Variants in PRDM2 observed in about 807,000 individuals in gnomAD.
PRDM2 encodes the protein PR domain zinc finger protein 2.
A neutral mutation model predicts 130.0 loss-of-function variants in PRDM2; 30 were observed. The observed-to-expected ratio is 0.23, with a 90% CI of 0.17 to 0.31. PRDM2 has a LOEUF of 0.31. Ranked by LOEUF, PRDM2 falls within the 10% of genes least tolerant of loss-of-function variation. PRDM2 has a pLI of 1.00. For missense variants in PRDM2, 2,011 were observed against 2,108.4 expected (o/e 0.95, Z 0.90); for synonymous variants, 871 against 782.4 (o/e 1.11, Z -1.89).
Position 13,778,956 on chromosome 1 carries a change from T to A in PRDM2, c.1161T>A (p.Asn387Lys). 6.2e-7 allele frequency: 1 copy of A among 1,614,182 alleles called. No homozygotes were observed. The highest frequency in any genetic ancestry group is 8.5e-7 in the Non-Finnish European group (1 of 1,180,030). The change falls in exon 8 of 10, where the codon AAT becomes AAA. Residue 387 changes from asparagine to lysine, a missense_variant. Asn to Lys is a moderately conservative substitution (Grantham distance 94, BLOSUM62 0). Coordinates refer to ENST00000311066, the MANE Select transcript of PRDM2 (RefSeq NM_001393986.1). Reference protein sequence around the residue: ...RHMHIHISTVNHAFKCKYCGK... With the variant: ...RHMHIHISTVKHAFKCKYCGK... Reference sequence around the variant, plus strand: ...TGCATATCCATATATCCACCGTCAATCATGCTTTCAAATGCAAGTACTGTG... The same window carrying A: ...TGCATATCCATATATCCACCGTCAAACATGCTTTCAAATGCAAGTACTGTG...
At chr1:13,767,552 T>C (rs1183856273) in intron 6 of PRDM2, among the ~76,000 whole-genome samples, 1 of 151,750 alleles carries the variant, frequency 6.6e-6, no homozygotes, top group Non-Finnish European at 1.5e-5. Flanking sequence ...GCAATCTGCC[T>C]ACCTTGGCCT....
At chr1:13,734,643 A>C (rs1308248320) in intron 4 of PRDM2, among the ~76,000 whole-genome samples, 2 of 152,202 alleles carry the variant, frequency 1.3e-5, no homozygotes, top group Non-Finnish European at 2.9e-5. Flanking sequence ...AAACCTGTTA[A>C]CATCCCATTG....
In PRDM2 at chr1:13,824,781, C is replaced by T. The variant is rs1475842439; in HGVS notation, c.*1646C>T. 1 of 152,354 alleles carries T rather than the reference C, an allele frequency of 6.6e-6. No homozygotes were observed. The highest frequency in any genetic ancestry group is 2.4e-5 in the African/African-American group (1 of 41,446). The allele number at this position is 152,354 out of a possible 1,614,324, so 9.4% of individuals were successfully genotyped here. A position where few individuals can be genotyped will look rare whatever the true frequency, so the allele number is the denominator to read the frequency against. ...GCCTCTCAGTTCTTGAGGGCCTCCC[C>T]ACCGCAGCAGCAAGGAAAGCTCACG... On this transcript the variant is annotated 3_prime_UTR_variant, in exon 10 of 10. Coordinates refer to ENST00000311066, the MANE Select transcript of PRDM2 (RefSeq NM_001393986.1).
At chr1:13,774,754 AT>A (rs1161166977) in intron 7 of PRDM2, among the ~76,000 whole-genome samples, 2 of 152,074 alleles carry the variant, frequency 1.3e-5, no homozygotes, top group Non-Finnish European at 2.9e-5. Flanking sequence ...AGGCGGGTGG[AT>A]CACAAGGTCA....
chr1:13,779,022 G>A lies in PRDM2; in HGVS notation c.1227G>A (p.Glu409=). The stretch of plus-strand genomic sequence containing the variant: ...CACAGATTAACCGGCGGCGACATGA[G>A]CGGCGCCATGAAGCAGGGTTAAAGC... The part of the protein sequence containing the change: ...FGTQINRRRH[E]RRHEAGLKRK... Residue 409 remains glutamate, a synonymous_variant, in exon 8 of 10, where the codon GAG becomes GAA. Transcript: ENST00000311066. The surrounding 1 kb of genome is among the most constrained non-coding windows in gnomAD (Gnocchi z 4.9). 6.2e-7 allele frequency: 1 copy of A among 1,614,210 alleles called. No homozygotes were observed. Among genetic ancestry groups the A allele is most frequent in the Middle Eastern group, 1.6e-4 (1 of 6,062 alleles).
intron 2 of PRDM2, among the ~76,000 whole-genome samples, chr1:13,727,381 A>T (rs925255389): frequency 2.0e-5 from 3 of 151,974 alleles, no homozygotes; most frequent in Non-Finnish European, 4.4e-5. Flanking sequence ...CAGCCTCCTG[A>T]GTAGCTGGGA....
chr1:13,764,075 GT>G (rs1212338726), intron 6 of PRDM2, among the ~76,000 whole-genome samples: 45 of 152,250 alleles, frequency 3.0e-4, no homozygotes, highest in African/African-American at 9.4e-4. Context: ...TCAGGATGCA[GT>G]ATTGTAAAAT....
intron 5 of PRDM2, among the ~76,000 whole-genome samples, chr1:13,746,795 G>GA (rs1643624919): frequency 2.6e-5 from 4 of 152,170 alleles, no homozygotes; most frequent in Admixed American, 2.0e-4. Flanking sequence ...GCGCTCAAGC[G>GA]ATTCGCCTGC....
intron 2 of PRDM2, among the ~76,000 whole-genome samples, chr1:13,718,920 C>G (rs1642635007): frequency 6.6e-6 from 1 of 152,168 alleles, no homozygotes; most frequent in African/African-American, 2.4e-5. Context: ...TCCATTATCT[C>G]AGTTGTCCCT....
intron 6 of PRDM2, among the ~76,000 whole-genome samples, chr1:13,757,250 C>T (rs1643978961): frequency 6.6e-6 from 1 of 152,186 alleles, no homozygotes; most frequent in South Asian, 2.1e-4. Context: ...ACACAGATTG[C>T]ATTTTTACTG....
intron 1 of PRDM2, among the ~76,000 whole-genome samples, chr1:13,702,975 A>G (rs1642112164): frequency 6.6e-6 from 1 of 152,198 alleles, no homozygotes; most frequent in African/African-American, 2.4e-5. Flanking sequence ...CTTACCACAG[A>G]TAACTGCCGC....
At chr1:13,770,387 C>G (rs980325089) in intron 6 of PRDM2, 1 of 448,910 alleles carries the variant, frequency 2.2e-6, no homozygotes. Flanking sequence ...GATTGTACTT[C>G]CTTTTGTTAA....
intron 8 of PRDM2, among the ~76,000 whole-genome samples, chr1:13,797,996 A>G (rs1253733233): frequency 1.3e-5 from 2 of 152,078 alleles, no homozygotes; most frequent in Admixed American, 6.5e-5. Context: ...GAACACTTTC[A>G]ATTATGTTTT....
Position 13,802,030 on chromosome 1 carries a change from C to T in PRDM2, c.5037-14397C>T, listed in dbSNP as rs993742860. Among the ~76,000 whole-genome samples, 6 of 152,344 alleles carry T rather than the reference C, an allele frequency of 3.9e-5. No individual in the cohort carries two copies. The East Asian group carries it at 1.2e-3, about 29-fold the overall frequency. On this transcript the variant is annotated intron_variant, in intron 8 of 9. Coordinates refer to ENST00000311066, the MANE Select transcript of PRDM2 (RefSeq NM_001393986.1). ...CTCCTCGTGTGTAAGGTAGATTGAG[C>T]TGTCCCGTCCTGGCCACCTTACAGC...
chr1:13,742,095 G>C lies in PRDM2; in HGVS notation c.322G>C (p.Gly108Arg), dbSNP rs1483132356. The C allele has an allele frequency of 1.2e-5, 19 of 1,613,366 alleles. No individual in the cohort carries two copies. Among genetic ancestry groups the C allele is most frequent in the Non-Finnish European group, 1.5e-5 (18 of 1,179,404 alleles). Residue 108 changes from glycine (G) to arginine (R), a missense_variant, in exon 5 of 10, where the codon GGA becomes CGA. Physicochemically the swap from Gly to Arg is moderately radical, Grantham distance 125. Transcript: ENST00000311066. The stretch of plus-strand genomic sequence containing the variant: ...GCGATATGTGAATTGGGCTTGCTCA[G>C]GAGAAGAGCAAAATTTATTCCCACT... ...WLRYVNWACS[G>R]EEQNLFPLEI...
At chr1:13,800,410 G>T (rs1411091365) in intron 8 of PRDM2, among the ~76,000 whole-genome samples, 1 of 152,228 alleles carries the variant, frequency 6.6e-6, no homozygotes, top group Non-Finnish European at 1.5e-5. Flanking sequence ...AGACAGCTGG[G>T]AAGGGAGGCA....
chr1:13,810,473 A>G (rs1645153236), intron 8 of PRDM2, among the ~76,000 whole-genome samples: 1 of 147,130 alleles, frequency 6.8e-6, no homozygotes, highest in Admixed American at 7.0e-5. Flanking sequence ...ACTGAACGTG[A>G]AAGCTTGAGT....
Position 13,715,584 on chromosome 1 carries a change from C to T in PRDM2, c.-22C>T. On this transcript the variant is annotated 5_prime_UTR_variant, in exon 2 of 10. Coordinates refer to ENST00000311066, the MANE Select transcript of PRDM2 (RefSeq NM_001393986.1). ...AGTTTCTTTGTTGTGTGTATCTTTA[C>T]AGAACACAACAGGAATTGAAAATGA... is the stretch of plus-strand genomic sequence containing the variant. 6.4e-7 allele frequency: 1 copy of T among 1,573,690 alleles called. No homozygotes were observed. Among genetic ancestry groups the T allele is most frequent in the Non-Finnish European group, 8.6e-7 (1 of 1,161,264 alleles).
At chr1:13,789,370 C>G (rs1194251065) in intron 8 of PRDM2, among the ~76,000 whole-genome samples, 3 of 152,212 alleles carry the variant, frequency 2.0e-5, no homozygotes, top group Non-Finnish European at 4.4e-5. Flanking sequence ...GTATTGAGTA[C>G]TTAATGTATG....
Sources: gnomAD v4.1 joint callset for allele counts (sites outside exome capture counted in the v4.1 genomes callset) on GRCh38, gnomAD v4.1.1 for gene constraint, Gnocchi (gnomAD v3.1) non-coding constraint, MANE v1.5 for transcripts, NCBI Gene and HGNC (gene_info 2026-07-23, HGNC 2026-07-21) for gene names.